Variants in POLR2F observed in about 807,000 individuals in gnomAD.
POLR2F encodes the protein RNA polymerase II, I and III subunit F.
A neutral mutation model predicts 22.7 loss-of-function variants in POLR2F; 12 were observed. The ratio of observed to expected loss-of-function variants is 0.53; its 90% CI spans 0.34 to 0.86. POLR2F has a LOEUF of 0.86. Among genes scored for constraint, POLR2F ranks in the 40% least tolerant of loss-of-function variants. The pLI, the probability that POLR2F is intolerant of heterozygous loss-of-function variation, is 0.02. For missense variants in POLR2F, 126 were observed against 171.5 expected (o/e 0.73, Z 1.48); for synonymous variants, 57 against 66.0 (o/e 0.86, Z 0.66).
intron 1 of POLR2F, among the ~76,000 whole-genome samples, chr22:38,011,112 T>C (rs1261891782): frequency 6.6e-6 from 1 of 152,170 alleles, no homozygotes; most frequent in African/African-American, 2.4e-5. Flanking sequence ...ATCTGTTTCT[T>C]TCTTTTTGAG....
intron 4 of POLR2F, among the ~76,000 whole-genome samples, chr22:37,976,887 A>G (rs1262834829): frequency 6.6e-6 from 1 of 152,172 alleles, no homozygotes; most frequent in African/African-American, 2.4e-5. Flanking sequence ...ACGGTATCAC[A>G]TGCCATGTCT....
intron 3 of POLR2F, among the ~76,000 whole-genome samples, chr22:37,962,533 A>G (rs1452674892): frequency 1.3e-5 from 2 of 152,202 alleles, no homozygotes; most frequent in Non-Finnish European, 2.9e-5. Flanking sequence ...TGTGACAGCC[A>G]TACCCAATAT....
At chr22:38,014,131 A>G (rs1176723037) in intron 1 of POLR2F, among the ~76,000 whole-genome samples, 1 of 151,678 alleles carries the variant, frequency 6.6e-6, no homozygotes, top group East Asian at 1.9e-4. Context: ...TCAAAAAAAA[A>G]AAAAAAAAAA....
In POLR2F at chr22:37,978,422, G is replaced by A. The variant is rs1932292229; in HGVS notation, c.293+11252G>A. 6.6e-6 allele frequency among the ~76,000 whole-genome samples: 1 copy of A among 152,228 alleles called. No homozygotes were observed. Among genetic ancestry groups the A allele is most frequent in the Admixed American group, 6.5e-5 (1 of 15,290 alleles). On this transcript the variant is annotated intron_variant, in intron 4 of 4. Coordinates refer to the POLR2F transcript ENST00000405557. This position sits in a 1 kb window ranked among gnomAD's most constrained non-coding sequence, Gnocchi z 5.0. Reference sequence around the variant, plus strand: ...CCTGGCAGCCCCTGAGGAGGAGTTAGAAGTAGGAGTAGAGGTTTCAAGGGG... The same window carrying A: ...CCTGGCAGCCCCTGAGGAGGAGTTAAAAGTAGGAGTAGAGGTTTCAAGGGG...
At chr22:38,023,839 A>ATTTTT (rs56162997) in intron 1 of POLR2F, among the ~76,000 whole-genome samples, 1 of 115,402 alleles carries the variant, frequency 8.7e-6, no homozygotes, top group Non-Finnish European at 1.7e-5. Flanking sequence ...CGCCTGGCTA[A>ATTTTT]TTTTTTTTTT....
At chr22:37,972,834 A>C (rs2145759274), downstream of POLR2F, 1 of 153,724 alleles carries the variant, frequency 6.5e-6, no homozygotes, top group South Asian at 2.0e-4. Context: ...GCTGTTTCTC[A>C]GACAAAGAAT....
intron 1 of POLR2F, among the ~76,000 whole-genome samples, chr22:38,018,339 T>C (rs2084931974): frequency 6.6e-6 from 1 of 152,234 alleles, no homozygotes; most frequent in Admixed American, 6.5e-5. Flanking sequence ...TAAGCGTTCA[T>C]TCTGGACTTA....
At chr22:37,985,956 C>G, upstream of POLR2F, 1 of 855,374 alleles carries the variant, frequency 1.2e-6, no homozygotes, top group Non-Finnish European at 1.7e-6. Flanking sequence ...CTCTCGCTTG[C>G]TGGCCTTGGA....
At chr22:37,958,571 T>C (rs1344449763) in intron 2 of POLR2F, 1 of 152,182 alleles carries the variant, frequency 6.6e-6, no homozygotes, top group African/African-American at 2.4e-5. Flanking sequence ...TTCTAATTAT[T>C]GTCCACAACT....
At chr22:37,955,929 C>T (rs1931376147) in intron 1 of POLR2F, among the ~76,000 whole-genome samples, 1 of 151,900 alleles carries the variant, frequency 6.6e-6, no homozygotes, top group African/African-American at 2.4e-5. Flanking sequence ...AAGTGATGCA[C>T]CCACCTCGGC....
In POLR2F at chr22:37,994,332, G is replaced by A. The variant is rs79530738; in HGVS notation, c.120+8020G>A. Among the ~76,000 whole-genome samples, 300 of 152,210 alleles carry A rather than the reference G, an allele frequency of 2.0e-3. 2 individuals are homozygous for A. The highest frequency in any genetic ancestry group is 0.011 in the South Asian group (53 of 4,822). On this transcript the variant is annotated intron_variant, in intron 1 of 2. Transcript: ENST00000333418. The stretch of plus-strand genomic sequence containing the variant: ...CACCTTCAGCTGTGTGTGCTTCACT[G>A]TGAGCAGGTGTTATTTTGTTTTGTG...
Position 37,967,908 on chromosome 22 carries a change from C to A in POLR2F, c.*193C>A. The A allele has an allele frequency of 1.5e-6, 2 of 1,315,660 alleles. No homozygotes were observed. Among genetic ancestry groups the A allele is most frequent in the South Asian group, 1.9e-5 (1 of 53,496 alleles). The allele number at this position is 1,315,660 out of a possible 1,614,324, so 81.5% of individuals were successfully genotyped here. Reference sequence around the variant, plus strand: ...TCCAGTGGCCCTGTGACTGTCAGCTCCTTAAGAAGCACCAGGGGCCCTTAG... The same window carrying A: ...TCCAGTGGCCCTGTGACTGTCAGCTACTTAAGAAGCACCAGGGGCCCTTAG... On this transcript the variant is annotated 3_prime_UTR_variant, in exon 5 of 5. Transcript: ENST00000442738.
chr22:37,954,976 G>T (rs748630890), intron 1 of POLR2F, among the ~76,000 whole-genome samples: 4 of 152,136 alleles, frequency 2.6e-5, no homozygotes, highest in Admixed American at 2.0e-4. Flanking sequence ...GATAGATCAG[G>T]CTAAATGAGA....
intron 1 of POLR2F, among the ~76,000 whole-genome samples, chr22:38,007,182 G>A (rs903450258): frequency 1.3e-5 from 2 of 152,246 alleles, no homozygotes; most frequent in Admixed American, 6.5e-5. Flanking sequence ...CCAGAGTGCC[G>A]TGAAAATCTG....
chr22:37,970,849 C>CT (rs1569166551), downstream of POLR2F: 8 of 214,466 alleles, frequency 3.7e-5, no homozygotes, highest in Admixed American at 2.6e-4. Flanking sequence ...TAAAGTCCTG[C>CT]TTTTATCTAA....
chr22:38,018,330 A>G (rs1383624627), intron 1 of POLR2F, among the ~76,000 whole-genome samples: 2 of 152,220 alleles, frequency 1.3e-5, no homozygotes, highest in Non-Finnish European at 2.9e-5. Flanking sequence ...GAGATAGGGT[A>G]AGCGTTCATT....
Position 38,020,431 on chromosome 22 carries a change from AT to A in POLR2F, c.121-5419del, listed in dbSNP as rs753386178. Among the ~76,000 whole-genome samples the A allele has an allele frequency of 7.1e-3, 906 of 128,430 alleles. 3 individuals carry two copies. The highest frequency in any genetic ancestry group is 8.3e-3 in the Non-Finnish European group (498 of 60,146). 84.3% of individuals were successfully genotyped at this position (128,430 alleles called of 152,430 possible). On this transcript the variant is annotated intron_variant, in intron 1 of 2. Coordinates refer to the POLR2F transcript ENST00000333418. ...AGGTGTGCACCACCACACCTGGCTA[AT>A]TTTTTTTTTTTTTTTTTTGTATTTT...
chr22:38,009,141 T>C (rs998304706), intron 1 of POLR2F, among the ~76,000 whole-genome samples: 3 of 152,160 alleles, frequency 2.0e-5, no homozygotes, highest in Non-Finnish European at 2.9e-5. Context: ...AGGAGGCCAG[T>C]GCAGCTGGGA....
Position 38,031,730 on chromosome 22 carries a change from T to C in POLR2F, c.453-9338T>C, listed in dbSNP as rs2085067935. ...CCTGAAAGTGCTGTGAGTCCATGTCTCAAACCCGCGTCACCATGCTGCCCC... is the reference window on the plus strand; with the variant it reads ...CCTGAAAGTGCTGTGAGTCCATGTCCCAAACCCGCGTCACCATGCTGCCCC... On this transcript the variant is annotated intron_variant, in intron 5 of 5. Coordinates refer to the POLR2F transcript ENST00000407936. This position sits in a 1 kb window ranked among gnomAD's most constrained non-coding sequence, Gnocchi z 4.1. 1.3e-5 allele frequency among the ~76,000 whole-genome samples: 2 copies of C among 152,190 alleles called. No homozygotes were observed. The highest frequency in any genetic ancestry group is 4.2e-4 in the South Asian group (2 of 4,816).
Sources: gnomAD v4.1 joint callset for allele counts (sites outside exome capture counted in the v4.1 genomes callset) on GRCh38, gnomAD v4.1.1 for gene constraint, Gnocchi (gnomAD v3.1) non-coding constraint, MANE v1.5 for transcripts, NCBI Gene and HGNC (gene_info 2026-07-23, HGNC 2026-07-21) for gene names.